The following CAMKMT variants were observed in gnomAD, a reference collection of about 807,000 sequenced individuals.
The protein encoded by CAMKMT is CaM KMT.
A neutral mutation model predicts 48.0 loss-of-function variants in CAMKMT; 53 were observed. That is an observed-to-expected ratio of 1.10 (90% confidence interval 0.89 to 1.39). The LOEUF is 1.39. Among genes scored for constraint, CAMKMT ranks in the 40% most tolerant of loss-of-function variants. The pLI is 0.00. For synonymous variants in CAMKMT, 165 were observed against 152.3 expected (o/e 1.08, Z -0.61); for missense variants, 428 against 402.7 (o/e 1.06, Z -0.54).
chr2:44,400,035 CA>C (rs1682218969), intron 3 of CAMKMT, among the ~76,000 whole-genome samples: 1 of 152,188 alleles, frequency 6.6e-6, no homozygotes, highest in South Asian at 2.1e-4. Context: ...TAGTACCTTT[CA>C]CAAAGCCTGA....
chr2:44,686,776 A>G (rs1168028504), intron 3 of CAMKMT, among the ~76,000 whole-genome samples: 2 of 152,382 alleles, frequency 1.3e-5, no homozygotes, highest in South Asian at 2.1e-4. Context: ...ACCACCAGAC[A>G]GGTCACTAGC....
intron 3 of CAMKMT, among the ~76,000 whole-genome samples, chr2:44,596,985 T>G: frequency 6.6e-6 from 1 of 152,254 alleles, no homozygotes; most frequent in East Asian, 1.9e-4. Flanking sequence ...AATTAGATCT[T>G]AGCTGTTAAA....
intron 3 of CAMKMT, among the ~76,000 whole-genome samples, chr2:44,596,422 C>G (rs1313883170): frequency 6.6e-6 from 1 of 151,824 alleles, no homozygotes; most frequent in African/African-American, 2.4e-5. Context: ...GCACTCCAGG[C>G]TGGGTAACAG....
At chr2:44,668,106 T>A (rs1324362689) in intron 3 of CAMKMT, among the ~76,000 whole-genome samples, 1 of 152,160 alleles carries the variant, frequency 6.6e-6, no homozygotes, top group Admixed American at 6.5e-5. Context: ...CTGCTACATT[T>A]CCCTGGTAAA....
At chr2:44,403,404 G>A (rs763237479) in intron 3 of CAMKMT, among the ~76,000 whole-genome samples, 39 of 152,066 alleles carry the variant, frequency 2.6e-4, no homozygotes, top group Non-Finnish European at 4.4e-4. Flanking sequence ...ATGGAGCAAG[G>A]GTAGTTGCAC....
chr2:44,715,484 T>C, intron 7 of CAMKMT, 131 bp downstream of exon 7: 1 of 645,094 alleles, frequency 1.6e-6, no homozygotes, highest in Non-Finnish European at 2.7e-6. Flanking sequence ...TTTTAAGCAC[T>C]TTACAAGTAT....
chr2:44,604,564 T>G (rs1671179763), intron 3 of CAMKMT, among the ~76,000 whole-genome samples: 1 of 151,742 alleles, frequency 6.6e-6, no homozygotes, highest in South Asian at 2.1e-4. Flanking sequence ...TCTGGTTTTT[T>G]TTTTTTTTTT....
At chr2:44,581,131 T>C (rs1669534600) in intron 3 of CAMKMT, among the ~76,000 whole-genome samples, 1 of 152,222 alleles carries the variant, frequency 6.6e-6, no homozygotes, top group South Asian at 2.1e-4. Context: ...GCAGTGCAAG[T>C]ATGTTTCCGA....
chr2:44,467,129 C>T (rs1045041434), intron 3 of CAMKMT, among the ~76,000 whole-genome samples: 1 of 152,058 alleles, frequency 6.6e-6, no homozygotes, highest in African/African-American at 2.4e-5. Context: ...TGGCACATAG[C>T]TGCAGTCTCA....
rs1278062301 is a variant in CAMKMT at position 44,588,089 on chromosome 2, C to T, written c.377-116194C>T. Among the ~76,000 whole-genome samples, 7 of 138,276 alleles carry T rather than the reference C, an allele frequency of 5.1e-5. No homozygotes were observed. The East Asian group carries it at 6.4e-4, about 13-fold the overall frequency. The allele number at this position is 138,276 out of a possible 152,430, so 90.7% of individuals were successfully genotyped here. ...GATGTGGGGAGCGCCTCTGCCCCGC[C>T]GCCCTGTCTGGGATGTGAGGAGCAC... On this transcript the variant is annotated intron_variant, in intron 3 of 10. Transcript: ENST00000378494.
intron 3 of CAMKMT, among the ~76,000 whole-genome samples, chr2:44,684,225 G>A (rs1215906764): frequency 1.3e-5 from 2 of 152,254 alleles, no homozygotes; most frequent in Non-Finnish European, 1.5e-5. Flanking sequence ...TGACTTCTCC[G>A]TTCTCAACAA....
At chr2:44,485,645 C>T (rs1669180577) in intron 3 of CAMKMT, among the ~76,000 whole-genome samples, 2 of 152,158 alleles carry the variant, frequency 1.3e-5, no homozygotes, top group African/African-American at 2.4e-5. Flanking sequence ...GTACTGGATA[C>T]TGTGGGCAAC....
At chr2:44,645,092 C>T (rs1673659887) in intron 3 of CAMKMT, among the ~76,000 whole-genome samples, 1 of 151,892 alleles carries the variant, frequency 6.6e-6, no homozygotes, top group African/African-American at 2.4e-5. Flanking sequence ...AGTAGGAGTA[C>T]AAACAGATAA....
intron 8 of CAMKMT, among the ~76,000 whole-genome samples, chr2:44,748,650 A>G (rs1680019906): frequency 6.6e-6 from 1 of 152,126 alleles, no homozygotes; most frequent in African/African-American, 2.4e-5. Context: ...AGGCGGGCAG[A>G]TCATGAGGTC....
chr2:44,684,347 T>C (rs1676211250), intron 3 of CAMKMT, among the ~76,000 whole-genome samples: 1 of 152,234 alleles, frequency 6.6e-6, no homozygotes, highest in Non-Finnish European at 1.5e-5. Flanking sequence ...AACAGAAGGA[T>C]AATTGTGGTG....
At position 44,413,651 on chromosome 2, in the gene CAMKMT, C is replaced by CA. The variant is rs201616176; in HGVS notation, c.376+23360dup. On this transcript the variant is annotated intron_variant, in intron 3 of 10. Transcript: ENST00000378494. ...AGGGTGACAGAGTGAGACTCCGTCT[C>CA]AAAAAAAAAAAAAAGAAAAGAAAAA... 0.019 allele frequency among the ~76,000 whole-genome samples: 1,464 copies of CA among 76,042 alleles called. 56 individuals are homozygous for CA. In the East Asian group the frequency reaches 0.19, roughly 10 times the overall value. The allele number at this position is 76,042 out of a possible 152,430, so 49.9% of individuals were successfully genotyped here.
Position 44,370,696 on chromosome 2 carries a change from T to C in CAMKMT, c.139-2020T>C, listed in dbSNP as rs6724341. Among the ~76,000 whole-genome samples the C allele has an allele frequency of 9.3e-3, 1,417 of 152,354 alleles. 22 individuals are homozygous for C. Among genetic ancestry groups the C allele is most frequent in the African/African-American group, 0.032 (1,340 of 41,578 alleles). On this transcript the variant is annotated intron_variant, in intron 1 of 10. Coordinates refer to ENST00000378494, the MANE Select transcript of CAMKMT (RefSeq NM_024766.5). ...TTGCTTATTTTTCAAATTTTTGCAA[T>C]GAATGCTTATTAACTTTTGGCCTTT...
At chr2:44,601,367 A>G (rs995752694) in intron 3 of CAMKMT, among the ~76,000 whole-genome samples, 3 of 152,094 alleles carry the variant, frequency 2.0e-5, no homozygotes, top group Admixed American at 2.0e-4. Flanking sequence ...GAGGCAGGAG[A>G]ATTGCTTGAA....
chr2:44,468,904 T>C (rs889489421), intron 3 of CAMKMT, among the ~76,000 whole-genome samples: 3 of 151,868 alleles, frequency 2.0e-5, no homozygotes, highest in Non-Finnish European at 4.4e-5. Context: ...GATGACAGAG[T>C]GTGAGACCCT....
Sources: allele counts gnomAD v4.1 joint callset (sites outside exome capture counted in the v4.1 genomes callset), GRCh38; gene constraint gnomAD v4.1.1; transcripts MANE v1.5; gene names NCBI Gene and HGNC (gene_info 2026-07-23, HGNC 2026-07-21).